The following PHF24 variants were observed in gnomAD, a reference collection of about 807,000 sequenced individuals.
The protein encoded by PHF24 is PHD finger protein 24.
Under a neutral mutation model 42.6 loss-of-function variants are expected in PHF24, and 25 were observed. The ratio of observed to expected loss-of-function variants is 0.59; its 90% CI spans 0.43 to 0.82. The LOEUF (loss-of-function observed/expected upper bound fraction) is 0.82, where lower values mean the gene tolerates loss of function less well. Ranked by LOEUF, PHF24 falls within the 40% of genes least tolerant of loss-of-function variation. The pLI is 0.00. For synonymous variants in PHF24, 185 were observed against 204.8 expected (o/e 0.90, Z 0.83); for missense variants, 470 against 538.1 (o/e 0.87, Z 1.25).
At chr9:34,873,768 G>T in the PHF24 span, among the ~76,000 whole-genome samples, 1 of 150,176 alleles carries the variant, frequency 6.7e-6, no homozygotes, top group African/African-American at 2.4e-5. Flanking sequence ...TGATGGGGAT[G>T]GCATTGAATC....
the PHF24 span, among the ~76,000 whole-genome samples, chr9:34,836,691 G>C: frequency 6.6e-6 from 1 of 152,216 alleles, no homozygotes; most frequent in Admixed American, 6.5e-5. Flanking sequence ...ATCTTGGTCA[G>C]CTCAGTCTGC....
the PHF24 span, among the ~76,000 whole-genome samples, chr9:34,784,866 G>A: frequency 1.3e-5 from 2 of 152,214 alleles, no homozygotes; most frequent in African/African-American, 4.8e-5. Flanking sequence ...TTTATATTGA[G>A]TCAACCAGTT....
At chr9:34,978,730 A>C (rs1486341854) in exon 8 of PHF24, 1 of 152,154 alleles carries the variant, frequency 6.6e-6, no homozygotes, top group Non-Finnish European at 1.5e-5. Flanking sequence ...GTTAAACATC[A>C]CCACTGAAAT....
At chr9:34,864,809 C>CA in the PHF24 span, among the ~76,000 whole-genome samples, 1 of 151,838 alleles carries the variant, frequency 6.6e-6, no homozygotes. Context: ...ATGAATGAAT[C>CA]AAAAAAATAG....
exon 8 of PHF24, chr9:34,979,551 G>A (rs1827319811): frequency 1.3e-5 from 2 of 152,390 alleles, no homozygotes; most frequent in South Asian, 2.1e-4. Context: ...TAGGCATAGC[G>A]AGATCTGACT....
chr9:34,765,313 C>T, the PHF24 span, among the ~76,000 whole-genome samples: 4 of 150,636 alleles, frequency 2.7e-5, no homozygotes, highest in East Asian at 2.0e-4. Flanking sequence ...TAAAGTCTCC[C>T]ATTATTATTG....
the PHF24 span, chr9:34,689,833 G>A: frequency 2.5e-4 from 401 of 1,614,128 alleles, no homozygotes; most frequent in African/African-American, 4.1e-3. The surrounding 1 kb of genome is among the most constrained non-coding windows in gnomAD (Gnocchi z 4.1). Context: ...CTGCTGCGGC[G>A]CTTCATCTAG....
the PHF24 span, among the ~76,000 whole-genome samples, chr9:34,763,468 G>A: frequency 1.8e-4 from 27 of 152,228 alleles, no homozygotes; most frequent in Admixed American, 1.0e-3. Context: ...AATTGTGAAT[G>A]GGAGTTCACT....
the PHF24 span, among the ~76,000 whole-genome samples, chr9:34,680,034 G>C: frequency 6.6e-6 from 1 of 152,250 alleles, no homozygotes; most frequent in Admixed American, 6.5e-5. Context: ...ATAAATTTGA[G>C]TTATTTTAAG....
the PHF24 span, among the ~76,000 whole-genome samples, chr9:34,768,107 G>C: frequency 1.3e-5 from 2 of 152,250 alleles, no homozygotes; most frequent in South Asian, 2.1e-4. Flanking sequence ...TATCTCCTCT[G>C]CTCATGCGCA....
At chr9:34,919,900 A>G in the PHF24 span, among the ~76,000 whole-genome samples, 11 of 152,150 alleles carry the variant, frequency 7.2e-5, no homozygotes, top group Non-Finnish European at 1.0e-4. Context: ...TTTTATGGGC[A>G]GGTAGTACTC....
the PHF24 span, among the ~76,000 whole-genome samples, chr9:34,804,124 C>G: frequency 4.6e-5 from 7 of 152,110 alleles, no homozygotes; most frequent in African/African-American, 1.7e-4. Context: ...ACTATTTGAA[C>G]TCAGCTTCAC....
chr9:34,782,982 G>A, the PHF24 span, among the ~76,000 whole-genome samples: 1 of 152,232 alleles, frequency 6.6e-6, no homozygotes, highest in East Asian at 1.9e-4. Context: ...TGTTCATCTA[G>A]GTTGCGTTTT....
At chr9:34,800,372 G>T in the PHF24 span, among the ~76,000 whole-genome samples, 8 of 152,076 alleles carry the variant, frequency 5.3e-5, no homozygotes, top group Admixed American at 2.6e-4. Flanking sequence ...ATGAAACAGG[G>T]AAAACTAAGA....
At chr9:34,801,138 C>T in the PHF24 span, among the ~76,000 whole-genome samples, 11 of 152,078 alleles carry the variant, frequency 7.2e-5, no homozygotes, top group East Asian at 1.9e-4. Context: ...GTTAGAACGC[C>T]GATCATTAAA....
At chr9:34,675,175 C>A in the PHF24 span, among the ~76,000 whole-genome samples, 6 of 152,120 alleles carry the variant, frequency 3.9e-5, no homozygotes, top group Admixed American at 1.3e-4. Context: ...TTTCTGGCTG[C>A]TTTTTCAATC....
At chr9:34,858,634 T>C in the PHF24 span, among the ~76,000 whole-genome samples, 14,093 of 152,238 alleles carry the variant, frequency 0.093, 1,533 homozygotes, top group African/African-American at 0.26. Flanking sequence ...GGGTGCTGAC[T>C]TGGCACTGGG....
At chr9:34,688,856 A>G in the PHF24 span, among the ~76,000 whole-genome samples, 1 of 152,222 alleles carries the variant, frequency 6.6e-6, no homozygotes. Flanking sequence ...CATGCTGGAC[A>G]CCACAAAAAC....
intron 1 of PHF24, among the ~76,000 whole-genome samples, chr9:34,970,412 A>C (rs946189448): frequency 2.0e-5 from 3 of 152,190 alleles, no homozygotes; most frequent in Admixed American, 1.3e-4. Flanking sequence ...GTAATAGGCC[A>C]GTGTCTGTAA....
Sources: gnomAD v4.1 joint callset for allele counts (sites outside exome capture counted in the v4.1 genomes callset) on GRCh38, gnomAD v4.1.1 for gene constraint, Gnocchi (gnomAD v3.1) non-coding constraint, MANE v1.5 for transcripts, NCBI Gene and HGNC (gene_info 2026-07-23, HGNC 2026-07-21) for gene names.